RNF150: variants seen among roughly 807,000 people sequenced by gnomAD.
The protein encoded by RNF150 is ring finger protein 150.
Under a neutral mutation model 39.3 loss-of-function variants are expected in RNF150, and 24 were observed. The ratio of observed to expected loss-of-function variants is 0.61; its 90% CI spans 0.44 to 0.86. RNF150 has a LOEUF of 0.86. Ranked by LOEUF, RNF150 falls within the 40% of genes least tolerant of loss-of-function variation. RNF150 has a pLI of 0.00. For synonymous variants in RNF150, 255 were observed against 227.3 expected (o/e 1.12, Z -1.10); for missense variants, 502 against 587.8 (o/e 0.85, Z 1.51).
At chr4:141,048,740 T>C (rs1167005163) in intron 1 of RNF150, among the ~76,000 whole-genome samples, 2 of 151,690 alleles carry the variant, frequency 1.3e-5, no homozygotes, top group Non-Finnish European at 2.9e-5. Context: ...CTCTAAAAAA[T>C]AAACAAACAA....
At chr4:140,975,570 G>GT (rs1226471928) in intron 1 of RNF150, among the ~76,000 whole-genome samples, 1 of 152,026 alleles carries the variant, frequency 6.6e-6, no homozygotes, top group Admixed American at 6.6e-5. Flanking sequence ...TTCTCAGGTG[G>GT]TATCTACTCA....
At chr4:140,937,457 C>T (rs888624113) in intron 4 of RNF150, among the ~76,000 whole-genome samples, 15 of 152,120 alleles carry the variant, frequency 9.9e-5, no homozygotes, top group African/African-American at 3.6e-4. Context: ...GACAAGATTT[C>T]ATCATGTTGG....
chr4:141,201,364 G>A (rs1266736853), intron 1 of RNF150, among the ~76,000 whole-genome samples: 3 of 152,124 alleles, frequency 2.0e-5, no homozygotes, highest in Non-Finnish European at 4.4e-5. Context: ...GTTTACATGA[G>A]GCTTTCCAGA....
intron 1 of RNF150, among the ~76,000 whole-genome samples, chr4:141,011,313 C>T (rs1249218524): frequency 6.6e-6 from 1 of 152,002 alleles, no homozygotes; most frequent in Non-Finnish European, 1.5e-5. Flanking sequence ...CTATGGTCAA[C>T]TGGAGGATGA....
chr4:140,922,846 C>T (rs1346029160), intron 5 of RNF150, among the ~76,000 whole-genome samples: 1 of 150,934 alleles, frequency 6.6e-6, no homozygotes, highest in Non-Finnish European at 1.5e-5. Flanking sequence ...CTTTGACAAA[C>T]CTGACAAAAA....
intron 1 of RNF150, among the ~76,000 whole-genome samples, chr4:141,177,848 T>C (rs1425195661): frequency 6.6e-6 from 1 of 152,200 alleles, no homozygotes; most frequent in Non-Finnish European, 1.5e-5. Flanking sequence ...GTTTGTTTGT[T>C]TTTGTTTACT....
At chr4:141,082,049 C>G (rs1255218399) in intron 1 of RNF150, among the ~76,000 whole-genome samples, 1 of 152,212 alleles carries the variant, frequency 6.6e-6, no homozygotes, top group African/African-American at 2.4e-5. Flanking sequence ...CAAAAGCTTG[C>G]TTCAGTTTGG....
At chr4:141,211,643 C>G (rs1416054280) in intron 1 of RNF150, among the ~76,000 whole-genome samples, 2 of 151,424 alleles carry the variant, frequency 1.3e-5, no homozygotes, top group Non-Finnish European at 2.9e-5. Flanking sequence ...ATAGAATTGA[C>G]TATCCCTTAA....
At chr4:141,051,282 A>C (rs1000662000) in intron 1 of RNF150, among the ~76,000 whole-genome samples, 3 of 152,148 alleles carry the variant, frequency 2.0e-5, no homozygotes, top group Non-Finnish European at 4.4e-5. Flanking sequence ...AAGACCTCTG[A>C]CATGCCCTGG....
chr4:140,883,211 C>A (rs1007684327), intron 6 of RNF150, among the ~76,000 whole-genome samples: 2 of 152,186 alleles, frequency 1.3e-5, no homozygotes, highest in Non-Finnish European at 2.9e-5. Context: ...TAAATTATAT[C>A]TTTAGTATAT....
rs117503004 is a variant in RNF150, at chr4:140,968,745, C to T, written c.485-872G>A. 1.3e-4 allele frequency among the ~76,000 whole-genome samples: 19 copies of T among 151,842 alleles called. No individual in the cohort carries two copies. The East Asian group carries it at 2.5e-3, about 20-fold the overall frequency. ...TTATATATATGGGTCATTGTCCTTA[C>T]GCATCATGACACTGTGTGAAGTGAA... On this transcript the variant is annotated intron_variant, in intron 1 of 6. Transcript: ENST00000515673.
chr4:141,119,079 A>T (rs1471163343), intron 1 of RNF150, among the ~76,000 whole-genome samples: 1 of 152,178 alleles, frequency 6.6e-6, no homozygotes, highest in Non-Finnish European at 1.5e-5. Context: ...ACGAGATTAA[A>T]TTCATTTTGG....
intron 2 of RNF150, among the ~76,000 whole-genome samples, chr4:140,958,763 C>G (rs1462011079): frequency 6.6e-6 from 1 of 151,986 alleles, no homozygotes; most frequent in Non-Finnish European, 1.5e-5. Flanking sequence ...CTGGTGGCAT[C>G]GATGGGCTAT....
intron 1 of RNF150, among the ~76,000 whole-genome samples, chr4:140,987,958 A>G (rs1303199861): frequency 6.6e-6 from 1 of 152,202 alleles, no homozygotes; most frequent in African/African-American, 2.4e-5. Context: ...ATGAACAGAC[A>G]CTTCTCAAAA....
chr4:141,014,064 A>T (rs1238535376), intron 1 of RNF150, among the ~76,000 whole-genome samples: 2 of 151,926 alleles, frequency 1.3e-5, no homozygotes, highest in African/African-American at 2.4e-5. Flanking sequence ...ATTAGATTCC[A>T]CATATAAGTA....
At chr4:141,182,864 C>T (rs1727934995) in intron 1 of RNF150, among the ~76,000 whole-genome samples, 1 of 144,892 alleles carries the variant, frequency 6.9e-6, no homozygotes. Flanking sequence ...AAAGAGCCCG[C>T]ATCGCCAAGT....
chr4:141,010,262 A>T (rs1282783650), intron 1 of RNF150, among the ~76,000 whole-genome samples: 1 of 152,194 alleles, frequency 6.6e-6, no homozygotes, highest in East Asian at 1.9e-4. Flanking sequence ...GCCTTAGGGG[A>T]TATTAAGATC....
intron 1 of RNF150, among the ~76,000 whole-genome samples, chr4:141,187,515 C>T (rs745635897): frequency 1.7e-4 from 26 of 152,106 alleles, no homozygotes; most frequent in Non-Finnish European, 3.2e-4. Flanking sequence ...TAAGAAATTG[C>T]TTTACGGATC....
intron 1 of RNF150, among the ~76,000 whole-genome samples, chr4:141,125,504 T>C (rs1726724579): frequency 6.6e-6 from 1 of 152,228 alleles, no homozygotes; most frequent in Non-Finnish European, 1.5e-5. Flanking sequence ...CCTTACAGTA[T>C]ATAAAAGATG....
Sources: allele counts gnomAD v4.1 joint callset (sites outside exome capture counted in the v4.1 genomes callset), GRCh38; gene constraint gnomAD v4.1.1; transcripts MANE v1.5; gene names NCBI Gene and HGNC (gene_info 2026-07-23, HGNC 2026-07-21).